The following XKR4 variants were observed in gnomAD, a reference collection of about 807,000 sequenced individuals.
XKR4 encodes XK-related protein 4.
A neutral mutation model predicts 53.9 loss-of-function variants in XKR4; 12 were observed. The observed-to-expected ratio is 0.22, with a 90% CI of 0.14 to 0.36. The LOEUF is 0.36. XKR4 is among the 10% of genes least tolerant of loss of function. The pLI is 1.00. For synonymous variants in XKR4, 354 were observed against 362.4 expected, an observed-to-expected ratio of 0.98 and a Z score of 0.26; for missense variants, 799 against 859.5, an observed-to-expected ratio of 0.93 and a Z score of 0.88.
In XKR4 at chr8:55,102,579, G is replaced by A. The variant is rs780580503; in HGVS notation, c.91G>A (p.Val31Met). The A allele has an allele frequency of 6.6e-7, 1 of 1,526,568 alleles. No individual in the cohort carries two copies. The highest frequency in any genetic ancestry group is 8.8e-7 in the Non-Finnish European group (1 of 1,132,862). The allele number at this position is 1,526,568 out of a possible 1,614,324, so 94.6% of individuals were successfully genotyped here. Residue 31 changes from valine (V) to methionine (M), a missense_variant, in exon 1 of 3, where the codon GTG becomes ATG. Transcript: ENST00000327381. The surrounding 1 kb of genome is among the most constrained non-coding windows in gnomAD (Gnocchi z 5.1). ...GCAGAACTCGGACCACTCGGGCTCG[G>A]TGCAGGGATTGGCTCCAGGCTTGCC... ...PLQNSDHSGS[V>M]QGLAPGLPSG...
intron 1 of XKR4, among the ~76,000 whole-genome samples, chr8:55,124,362 G>A (rs1429365756): frequency 6.6e-6 from 1 of 152,156 alleles, no homozygotes; most frequent in African/African-American, 2.4e-5. Context: ...AGAGTAAACA[G>A]CATTGTTCCC....
intron 2 of XKR4, among the ~76,000 whole-genome samples, chr8:55,473,227 T>C (rs1308797010): frequency 1.3e-5 from 2 of 152,134 alleles, no homozygotes; most frequent in East Asian, 3.9e-4. Flanking sequence ...TCCTTATAAT[T>C]GACCTGGCCT....
At chr8:55,243,392 G>T (rs1426765423) in intron 1 of XKR4, among the ~76,000 whole-genome samples, 1 of 152,068 alleles carries the variant, frequency 6.6e-6, no homozygotes, top group Non-Finnish European at 1.5e-5. Flanking sequence ...CCACAGTTTT[G>T]CCTTTTTCAG....
chr8:55,289,630 AAAGAAAGAAAGAAAGAAAGG>A (rs1343715774), intron 1 of XKR4, among the ~76,000 whole-genome samples: 77 of 135,380 alleles, frequency 5.7e-4, no homozygotes, highest in South Asian at 1.3e-3. Context: ...AGAAAGAAAG[AAAGAAAGAAAGAAAGAAAGG>A]AAGGAAGGAA....
At chr8:55,451,619 G>C (rs2929050) in intron 2 of XKR4, 653,596 of 1,493,420 alleles carry the variant, frequency 0.44, 146,608 homozygotes, top group East Asian at 0.52. Context: ...CGGTTCTGGC[G>C]GTAGCAGTAG....
chr8:55,524,212 C>T lies in XKR4; in HGVS notation c.1938C>T (p.Tyr646=). The change falls in exon 3 of 3, where the codon TAC becomes TAT. Residue 646 remains tyrosine, a synonymous_variant. Transcript: ENST00000327381. ...DDALIQERLE[Y]ETTL ...CCCTTATTCAGGAGCGGTTGGAGTA[C>T]GAAACCACTTTATAAAGCAAAAGGA... The T allele has an allele frequency of 1.2e-6, 2 of 1,613,048 alleles. No homozygotes were observed. The highest frequency in any genetic ancestry group is 1.7e-6 in the Non-Finnish European group (2 of 1,179,316).
At chr8:55,321,203 G>T (rs192107041) in intron 1 of XKR4, among the ~76,000 whole-genome samples, 4 of 151,868 alleles carry the variant, frequency 2.6e-5, no homozygotes, top group Non-Finnish European at 4.4e-5. Context: ...TTGCAGATTC[G>T]AGTTCTCTCT....
At chr8:55,235,195 C>G (rs545896551) in intron 1 of XKR4, among the ~76,000 whole-genome samples, 1 of 152,298 alleles carries the variant, frequency 6.6e-6, no homozygotes, top group Admixed American at 6.5e-5. Flanking sequence ...ACATGGCCTT[C>G]TCCTCTGTAC....
Position 55,536,080 on chromosome 8 carries a change from A to G in XKR4, c.*11853A>G, listed in dbSNP as rs1455171403. The G allele has an allele frequency of 6.6e-6, 1 of 152,204 alleles. No individual in the cohort carries two copies. The highest frequency in any genetic ancestry group is 1.9e-4 in the East Asian group (1 of 5,198). 9.4% of individuals were successfully genotyped at this position (152,204 alleles called of 1,614,324 possible). On this transcript the variant is annotated 3_prime_UTR_variant, in exon 3 of 3. Coordinates refer to ENST00000327381, the MANE Select transcript of XKR4 (RefSeq NM_052898.2). Reference sequence around the variant, plus strand: ...CATTGTAAATATATCACAATGTCACAAGAGCCTCTGTGTCCAAACACACTA... The same window carrying G: ...CATTGTAAATATATCACAATGTCACGAGAGCCTCTGTGTCCAAACACACTA...
chr8:55,205,863 T>A (rs1817640934), intron 1 of XKR4, among the ~76,000 whole-genome samples: 1 of 151,774 alleles, frequency 6.6e-6, no homozygotes, highest in African/African-American at 2.4e-5. Context: ...TCGTGGTGAG[T>A]GTTAGGGTTC....
intron 2 of XKR4, among the ~76,000 whole-genome samples, chr8:55,503,566 C>G (rs1198111215): frequency 6.6e-6 from 1 of 152,086 alleles, no homozygotes; most frequent in Admixed American, 6.6e-5. Flanking sequence ...TTTTATCCTG[C>G]AACTTTGCAA....
At chr8:55,380,393 C>T (rs1020654271) in intron 2 of XKR4, among the ~76,000 whole-genome samples, 1 of 152,196 alleles carries the variant, frequency 6.6e-6, no homozygotes, top group Non-Finnish European at 1.5e-5. Flanking sequence ...GTGCAAGACA[C>T]TCTCATAATA....
chr8:55,296,203 G>A (rs1044475952), intron 1 of XKR4, among the ~76,000 whole-genome samples: 1 of 152,192 alleles, frequency 6.6e-6, no homozygotes, highest in African/African-American at 2.4e-5. Flanking sequence ...ATGAGGGGAA[G>A]GAGGGAGAGG....
intron 1 of XKR4, among the ~76,000 whole-genome samples, chr8:55,280,829 C>T (rs555880134): frequency 4.6e-5 from 7 of 152,100 alleles, no homozygotes; most frequent in Admixed American, 1.3e-4. Context: ...CCATTCTATA[C>T]GTTAAAATAC....
chr8:55,390,358 T>C (rs979780812), intron 2 of XKR4, among the ~76,000 whole-genome samples: 1 of 152,236 alleles, frequency 6.6e-6, no homozygotes. Context: ...AGAAAGGAAT[T>C]ACAGTCTTTG....
chr8:55,407,779 AG>A (rs1804708968), intron 2 of XKR4, among the ~76,000 whole-genome samples: 1 of 152,246 alleles, frequency 6.6e-6, no homozygotes, highest in Admixed American at 6.5e-5. Flanking sequence ...TAAATATTTC[AG>A]TTAAGCAGTC....
chr8:55,124,995 G>A (rs1031612592), intron 1 of XKR4, among the ~76,000 whole-genome samples: 5 of 152,176 alleles, frequency 3.3e-5, no homozygotes, highest in African/African-American at 9.7e-5. Flanking sequence ...TCTATCAAGT[G>A]CTAGGCAGCC....
intron 1 of XKR4, among the ~76,000 whole-genome samples, chr8:55,244,292 C>A (rs1386012628): frequency 6.6e-6 from 1 of 152,184 alleles, no homozygotes; most frequent in African/African-American, 2.4e-5. Context: ...TGTTTAGCTG[C>A]CACTTATAAG....
Position 55,523,973 on chromosome 8 carries a change from G to T in XKR4, c.1699G>T (p.Asp567Tyr). The change falls in exon 3 of 3, where the codon GAT becomes TAT. Residue 567 changes from aspartate (D) to tyrosine (Y), a missense_variant. Physicochemically the swap from Asp to Tyr is radical, Grantham distance 160. Transcript: ENST00000327381. ...SDRDQKFAERDGCVPVFQVRP... is the reference protein window; with the variant it reads ...SDRDQKFAERYGCVPVFQVRP... ...CCGCGATCAGAAATTCGCAGAGCGG[G>T]ATGGGTGTGTACCTGTCTTTCAAGT... is the stretch of plus-strand genomic sequence containing the variant. 6.2e-7 allele frequency: 1 copy of T among 1,614,166 alleles called. No individual in the cohort carries two copies. Among genetic ancestry groups the T allele is most frequent in the Non-Finnish European group, 8.5e-7 (1 of 1,180,034 alleles).
Sources: gnomAD v4.1 joint callset for allele counts (sites outside exome capture counted in the v4.1 genomes callset) on GRCh38, gnomAD v4.1.1 for gene constraint, Gnocchi (gnomAD v3.1) non-coding constraint, MANE v1.5 for transcripts, NCBI Gene and HGNC (gene_info 2026-07-23, HGNC 2026-07-21) for gene names.